The following ZFAND3 variants were observed in gnomAD, a reference collection of about 807,000 sequenced individuals.
The protein encoded by ZFAND3 is zinc finger AN1-type containing 3.
Under a neutral mutation model 29.6 loss-of-function variants are expected in ZFAND3, and 10 were observed. That is an observed-to-expected ratio of 0.34 (90% CI 0.21 to 0.57). The LOEUF (loss-of-function observed/expected upper bound fraction) is 0.57, where lower values mean the gene tolerates loss of function less well. Ranked by LOEUF, ZFAND3 falls within the 20% of genes least tolerant of loss-of-function variation. ZFAND3 has a pLI of 0.86. For synonymous variants in ZFAND3, 128 were observed against 112.6 expected, an observed-to-expected ratio of 1.14 and a Z score of -0.87; for missense variants, 230 against 304.5, an observed-to-expected ratio of 0.76 and a Z score of 1.82.
chr6:38,134,663 A>G (rs1473928678), intron 5 of ZFAND3, among the ~76,000 whole-genome samples: 3 of 152,230 alleles, frequency 2.0e-5, no homozygotes, highest in Admixed American at 6.5e-5. Context: ...ATCAGTATCA[A>G]TGAAGTTTGT....
intron 1 of ZFAND3, among the ~76,000 whole-genome samples, chr6:37,919,849 T>G (rs1220912346): frequency 6.6e-6 from 1 of 152,150 alleles, no homozygotes; most frequent in Non-Finnish European, 1.5e-5. Flanking sequence ...AATATTAGAG[T>G]TGGCTTGACA....
intron 2 of ZFAND3, among the ~76,000 whole-genome samples, chr6:38,047,052 G>C (rs1763917548): frequency 6.6e-6 from 1 of 152,024 alleles, no homozygotes; most frequent in South Asian, 2.1e-4. Context: ...GCCAGGTGCG[G>C]TGGTTCACCC....
intron 1 of ZFAND3, among the ~76,000 whole-genome samples, chr6:37,869,735 A>G (rs1273455516): frequency 6.6e-6 from 1 of 150,446 alleles, no homozygotes; most frequent in Non-Finnish European, 1.5e-5. Context: ...CTGGCCTCGA[A>G]CTCCTGGCCT....
chr6:37,957,277 A>G (rs558636558), intron 2 of ZFAND3, among the ~76,000 whole-genome samples: 2 of 151,754 alleles, frequency 1.3e-5, no homozygotes, highest in East Asian at 3.9e-4. Context: ...ACCATTTCTT[A>G]TATCCTTAGT....
At chr6:37,989,987 T>G (rs1762731891) in intron 2 of ZFAND3, among the ~76,000 whole-genome samples, 1 of 152,174 alleles carries the variant, frequency 6.6e-6, no homozygotes, top group Admixed American at 6.5e-5. Flanking sequence ...ACGAGCCTTG[T>G]CTCATGCTTC....
chr6:38,023,477 A>G (rs1355919174), intron 2 of ZFAND3, among the ~76,000 whole-genome samples: 1 of 152,200 alleles, frequency 6.6e-6, no homozygotes, highest in Admixed American at 6.5e-5. Flanking sequence ...TAGCCATTCC[A>G]CAATGTGTAT....
intron 4 of ZFAND3, among the ~76,000 whole-genome samples, chr6:38,105,605 C>A (rs1421321627): frequency 6.6e-6 from 1 of 152,038 alleles, no homozygotes; most frequent in Non-Finnish European, 1.5e-5. Flanking sequence ...TAAGAAGAAT[C>A]CTTGTGGCGA....
At chr6:37,999,430 A>G (rs73421464) in intron 2 of ZFAND3, among the ~76,000 whole-genome samples, 10,404 of 152,262 alleles carry the variant, frequency 0.068, 427 homozygotes, top group Non-Finnish European at 0.087. Flanking sequence ...GTGACTTCCA[A>G]GTGTGGAAAG....
chr6:37,996,524 G>A (rs1762852016), intron 2 of ZFAND3, among the ~76,000 whole-genome samples: 1 of 152,102 alleles, frequency 6.6e-6, no homozygotes, highest in African/African-American at 2.4e-5. Flanking sequence ...CCTGAGTTCA[G>A]TTATTCTTAG....
chr6:37,926,894 G>A (rs1281332487), intron 1 of ZFAND3, among the ~76,000 whole-genome samples: 2 of 152,172 alleles, frequency 1.3e-5, no homozygotes, highest in East Asian at 1.9e-4. Context: ...CATGAGAAAG[G>A]ATCAAAGTTC....
chr6:37,849,363 C>T (rs1017225623), intron 1 of ZFAND3, among the ~76,000 whole-genome samples: 2 of 152,038 alleles, frequency 1.3e-5, no homozygotes, highest in Non-Finnish European at 2.9e-5. Flanking sequence ...AGATGAATTG[C>T]GTCATATAAT....
At chr6:38,045,101 T>TATTGATTGATTG (rs1554169433) in intron 2 of ZFAND3, among the ~76,000 whole-genome samples, 9 of 146,074 alleles carry the variant, frequency 6.2e-5, no homozygotes, top group African/African-American at 2.0e-4. Flanking sequence ...TTTATTTATT[T>TATTGATTGATTG]ATTGAGATGG....
chr6:38,077,329 A>G (rs538494767), intron 3 of ZFAND3, among the ~76,000 whole-genome samples: 116 of 152,324 alleles, frequency 7.6e-4, no homozygotes, highest in African/African-American at 2.5e-3. Flanking sequence ...AACAATGTAC[A>G]GATTATGATA....
intron 1 of ZFAND3, among the ~76,000 whole-genome samples, chr6:37,929,518 G>C (rs1761552806): frequency 6.6e-6 from 1 of 152,178 alleles, no homozygotes; most frequent in Admixed American, 6.5e-5. Context: ...AAATGACTGT[G>C]TATATGAGGA....
At chr6:38,061,481 C>T (rs1015715216) in intron 2 of ZFAND3, 112 bp from the exon 3 acceptor site, 3 of 1,275,666 alleles carry the variant, frequency 2.4e-6, no homozygotes, top group African/African-American at 3.0e-5. Flanking sequence ...TCACCCAGAT[C>T]AGTCTTTATT....
intron 4 of ZFAND3, among the ~76,000 whole-genome samples, chr6:38,108,881 T>G (rs1226297924): frequency 6.6e-6 from 1 of 152,238 alleles, no homozygotes; most frequent in East Asian, 1.9e-4. Flanking sequence ...CATTAATTGT[T>G]GAATCTGAAT....
At chr6:38,058,001 C>G (rs1295565339) in intron 2 of ZFAND3, among the ~76,000 whole-genome samples, 1 of 152,178 alleles carries the variant, frequency 6.6e-6, no homozygotes, top group East Asian at 1.9e-4. Context: ...AGAAGGTACA[C>G]TGTGTCAACT....
intron 2 of ZFAND3, among the ~76,000 whole-genome samples, chr6:38,059,654 G>A (rs575569784): frequency 6.6e-6 from 1 of 152,184 alleles, no homozygotes; most frequent in Admixed American, 6.5e-5. Context: ...GAGGCGGGCA[G>A]ATCACCTGAG....
At chr6:38,098,667 A>T (rs1561998251) in intron 4 of ZFAND3, among the ~76,000 whole-genome samples, 4 of 150,720 alleles carry the variant, frequency 2.7e-5, no homozygotes, top group African/African-American at 9.8e-5. Context: ...TGCCTGGCTA[A>T]TTTTTTTTTA....
Sources: gnomAD v4.1 joint callset for allele counts (sites outside exome capture counted in the v4.1 genomes callset) on GRCh38, gnomAD v4.1.1 for gene constraint, MANE v1.5 for transcripts, NCBI Gene and HGNC (gene_info 2026-07-23, HGNC 2026-07-21) for gene names.